The following FRMD5 variants were observed in gnomAD, a reference collection of about 807,000 sequenced individuals.
FRMD5 encodes FERM domain-containing protein 5.
A neutral mutation model predicts 69.0 loss-of-function variants in FRMD5; 20 were observed. That is an observed-to-expected ratio of 0.29 (90% CI 0.20 to 0.42). The LOEUF (loss-of-function observed/expected upper bound fraction) is 0.42. Ranked by LOEUF, FRMD5 falls within the 10% of genes least tolerant of loss-of-function variation. FRMD5 has a pLI of 1.00. For missense variants in FRMD5, 595 were observed against 708.6 expected (o/e 0.84, Z 1.82); for synonymous variants, 271 against 260.1 (o/e 1.04, Z -0.40).
chr15:43,949,079 C>T (rs896796203), intron 1 of FRMD5, among the ~76,000 whole-genome samples: 1 of 152,232 alleles, frequency 6.6e-6, no homozygotes, highest in Non-Finnish European at 1.5e-5. Flanking sequence ...AAGCAGGCTT[C>T]AGGGCTCCAT....
intron 1 of FRMD5, among the ~76,000 whole-genome samples, chr15:43,952,369 T>C (rs8035402): frequency 0.13 from 19,503 of 152,208 alleles, 2,384 homozygotes; most frequent in African/African-American, 0.32. Context: ...TTGTTCTTTA[T>C]ACAGTTTTTA....
chr15:43,898,181 A>G (rs551265041), intron 7 of FRMD5, among the ~76,000 whole-genome samples: 1 of 152,304 alleles, frequency 6.6e-6, no homozygotes, highest in African/African-American at 2.4e-5. Context: ...CCATCTCTCC[A>G]GAGGGAAGAC....
At position 43,900,618 on chromosome 15, in the gene FRMD5, G is replaced by GTTT. The variant is rs200956036; in HGVS notation, c.639+1556_639+1557insAAA. 8.7e-4 allele frequency among the ~76,000 whole-genome samples: 127 copies of GTTT among 146,120 alleles called. 6 individuals carry two copies. Among genetic ancestry groups the GTTT allele is most frequent in the African/African-American group, 3.3e-3 (124 of 37,706 alleles). On this transcript the variant is annotated intron_variant, in intron 7 of 13. Transcript: ENST00000417257. ...TATGTCACTGTGCTCATTCATTCCT[G>GTTT]GTTTTTTTTTTTTTTTTGAGACAGA...
At chr15:44,192,024 G>A (rs1449988719) in intron 1 of FRMD5, among the ~76,000 whole-genome samples, 3 of 150,248 alleles carry the variant, frequency 2.0e-5, no homozygotes, top group Non-Finnish European at 4.4e-5. Context: ...CTTCAAAACT[G>A]GCAGGGAGCT....
At chr15:43,911,735 C>T (rs1045815480) in intron 4 of FRMD5, among the ~76,000 whole-genome samples, 1 of 152,142 alleles carries the variant, frequency 6.6e-6, no homozygotes, top group African/African-American at 2.4e-5. Context: ...ACAGTCTGAA[C>T]CAAAAAGAAA....
intron 2 of FRMD5, among the ~76,000 whole-genome samples, chr15:43,920,448 C>T (rs1477849035): frequency 1.3e-5 from 2 of 152,174 alleles, no homozygotes; most frequent in Non-Finnish European, 2.9e-5. Context: ...CCACAACCAA[C>T]GTGTAGGATA....
chr15:44,095,356 C>A (rs948296316), intron 1 of FRMD5, among the ~76,000 whole-genome samples: 2 of 151,974 alleles, frequency 1.3e-5, no homozygotes, highest in African/African-American at 2.4e-5. Context: ...ACATGCACCA[C>A]GACACTTGGC....
At chr15:43,992,849 C>T (rs1369471105) in intron 1 of FRMD5, among the ~76,000 whole-genome samples, 2 of 152,160 alleles carry the variant, frequency 1.3e-5, no homozygotes, top group Non-Finnish European at 2.9e-5. Flanking sequence ...ACTGGGATTA[C>T]AGGCATGAGA....
intron 10 of FRMD5, 28 bp downstream of exon 10, chr15:43,888,147 A>C (rs762420003): frequency 1.3e-6 from 2 of 1,532,148 alleles, no homozygotes; most frequent in East Asian, 4.5e-5. Flanking sequence ...TCTAAGAAAG[A>C]CAGTCCCCAT....
At chr15:43,965,031 A>G (rs1052902104) in intron 1 of FRMD5, among the ~76,000 whole-genome samples, 1 of 152,214 alleles carries the variant, frequency 6.6e-6, no homozygotes, top group Non-Finnish European at 1.5e-5. Context: ...CCAAAAAAGT[A>G]TACTGAGGGA....
intron 1 of FRMD5, among the ~76,000 whole-genome samples, chr15:44,018,428 G>T (rs1891066071): frequency 6.6e-6 from 1 of 152,156 alleles, no homozygotes; most frequent in South Asian, 2.1e-4. Flanking sequence ...AGAAAAATTT[G>T]ATTAAGTTTG....
At chr15:44,152,392 T>C (rs2077460764) in intron 1 of FRMD5, among the ~76,000 whole-genome samples, 1 of 152,236 alleles carries the variant, frequency 6.6e-6, no homozygotes, top group South Asian at 2.1e-4. Flanking sequence ...TGCAAATACA[T>C]AAATAAGCCA....
At chr15:43,896,576 A>G (rs1486053352) in intron 7 of FRMD5, among the ~76,000 whole-genome samples, 1 of 152,210 alleles carries the variant, frequency 6.6e-6, no homozygotes, top group African/African-American at 2.4e-5. Flanking sequence ...CTGCCCAGGA[A>G]AGGATTCTTG....
chr15:44,151,383 C>T (rs540355258), intron 1 of FRMD5, among the ~76,000 whole-genome samples: 15 of 136,658 alleles, frequency 1.1e-4, no homozygotes, highest in Non-Finnish European at 1.4e-4. Context: ...AGTGACAGAG[C>T]GAGACTCCAT....
At chr15:43,895,648 T>G (rs1446932715) in intron 7 of FRMD5, among the ~76,000 whole-genome samples, 1 of 152,192 alleles carries the variant, frequency 6.6e-6, no homozygotes, top group Admixed American at 6.5e-5. Flanking sequence ...AGAGAGCAGT[T>G]CTCCAAACTG....
At chr15:43,986,248 G>C (rs1442083637) in intron 1 of FRMD5, among the ~76,000 whole-genome samples, 1 of 152,148 alleles carries the variant, frequency 6.6e-6, no homozygotes, top group African/African-American at 2.4e-5. Context: ...TGTGCGGTGG[G>C]GTTGCCTCCT....
chr15:44,009,278 A>G (rs1018806230), intron 1 of FRMD5, among the ~76,000 whole-genome samples: 15 of 152,258 alleles, frequency 9.9e-5, no homozygotes, highest in Non-Finnish European at 1.9e-4. Flanking sequence ...GAGAGGTAAT[A>G]AGACTTGCTC....
chr15:44,123,069 G>A (rs1456838191), intron 1 of FRMD5, among the ~76,000 whole-genome samples: 1 of 152,068 alleles, frequency 6.6e-6, no homozygotes, highest in African/African-American at 2.4e-5. Flanking sequence ...GGCAGGCCTG[G>A]CACAGTGGCT....
At chr15:43,981,603 A>G (rs1178848669) in intron 1 of FRMD5, among the ~76,000 whole-genome samples, 1 of 152,200 alleles carries the variant, frequency 6.6e-6, no homozygotes, top group Non-Finnish European at 1.5e-5. Flanking sequence ...TCTATATGGT[A>G]CCAATTCTTC....
Sources: gnomAD v4.1 joint callset for allele counts (sites outside exome capture counted in the v4.1 genomes callset) on GRCh38, gnomAD v4.1.1 for gene constraint, MANE v1.5 for transcripts, NCBI Gene and HGNC (gene_info 2026-07-23, HGNC 2026-07-21) for gene names.